ZFPM2: variants seen among roughly 807,000 people sequenced by gnomAD.
The protein encoded by ZFPM2 is zinc finger protein ZFPM2.
A neutral mutation model predicts 98.6 loss-of-function variants in ZFPM2; 20 were observed. The ratio of observed to expected loss-of-function variants is 0.20; its 90% CI spans 0.14 to 0.29. The LOEUF (loss-of-function observed/expected upper bound fraction) is 0.29. Ranked by LOEUF, ZFPM2 falls within the 10% of genes least tolerant of loss-of-function variation. The pLI is 1.00. For missense variants in ZFPM2, 1,310 were observed against 1,388.6 expected (o/e 0.94, Z 0.90); for synonymous variants, 518 against 502.7 (o/e 1.03, Z -0.41).
At chr8:105,587,133 C>T (rs59189928) in intron 4 of ZFPM2, among the ~76,000 whole-genome samples, 1 of 151,296 alleles carries the variant, frequency 6.6e-6, no homozygotes, top group African/African-American at 2.4e-5. Flanking sequence ...AAAAATTAAC[C>T]GGGCGTGGTG....
At chr8:105,667,833 G>A (rs1817518563) in intron 5 of ZFPM2, among the ~76,000 whole-genome samples, 1 of 152,100 alleles carries the variant, frequency 6.6e-6, no homozygotes, top group South Asian at 2.1e-4. Flanking sequence ...AAAATGCCAT[G>A]TGTTTACTAT....
chr8:105,423,075 G>A (rs1811837086), intron 2 of ZFPM2, among the ~76,000 whole-genome samples: 1 of 152,198 alleles, frequency 6.6e-6, no homozygotes, highest in South Asian at 2.1e-4. Flanking sequence ...TCTCAAAGTT[G>A]CATTTACTAA....
intron 5 of ZFPM2, among the ~76,000 whole-genome samples, chr8:105,711,543 A>G (rs1811398309): frequency 6.6e-6 from 1 of 152,050 alleles, no homozygotes; most frequent in Non-Finnish European, 1.5e-5. Context: ...ATTCCTATAT[A>G]TGAACTTGTT....
intron 5 of ZFPM2, among the ~76,000 whole-genome samples, chr8:105,730,259 T>A (rs767435549): frequency 6.6e-6 from 1 of 151,764 alleles, no homozygotes; most frequent in Non-Finnish European, 1.5e-5. Flanking sequence ...ATATTTCTCA[T>A]GCATGCATGA....
intron 5 of ZFPM2, among the ~76,000 whole-genome samples, chr8:105,737,953 C>T (rs1437159743): frequency 6.6e-6 from 1 of 151,476 alleles, no homozygotes; most frequent in East Asian, 2.0e-4. Flanking sequence ...TTGCTATGTT[C>T]CAGAATATAA....
intron 5 of ZFPM2, among the ~76,000 whole-genome samples, chr8:105,776,554 T>C (rs1363989540): frequency 6.6e-6 from 1 of 152,234 alleles, no homozygotes; most frequent in Non-Finnish European, 1.5e-5. Flanking sequence ...TTCAAAGATA[T>C]GTATACTTGA....
At chr8:105,600,116 A>G (rs1368917321) in intron 4 of ZFPM2, among the ~76,000 whole-genome samples, 1 of 152,156 alleles carries the variant, frequency 6.6e-6, no homozygotes, top group East Asian at 1.9e-4. Context: ...TGCCTACTGT[A>G]TCTTTTACTG....
At chr8:105,541,483 A>G (rs940735517) in intron 3 of ZFPM2, among the ~76,000 whole-genome samples, 1 of 152,204 alleles carries the variant, frequency 6.6e-6, no homozygotes, top group African/African-American at 2.4e-5. Context: ...CTATATTGGA[A>G]GAAACACTTG....
intron 1 of ZFPM2, among the ~76,000 whole-genome samples, chr8:105,324,303 C>T (rs1288181052): frequency 6.6e-6 from 1 of 151,754 alleles, no homozygotes; most frequent in Non-Finnish European, 1.5e-5. Flanking sequence ...TTGCCTATAT[C>T]TATATGTATC....
chr8:105,554,587 T>C (rs1392326719), intron 3 of ZFPM2, among the ~76,000 whole-genome samples: 2 of 152,176 alleles, frequency 1.3e-5, no homozygotes, highest in African/African-American at 4.8e-5. Flanking sequence ...CTGATAAATA[T>C]TGTGAGCTAA....
rs546976257 is a variant in ZFPM2, at chr8:105,333,733, T to C, written c.40+14752T>C. Among the ~76,000 whole-genome samples the C allele has an allele frequency of 6.6e-5, 10 of 151,778 alleles. No individual in the cohort carries two copies. The East Asian group carries it at 1.7e-3, about 26-fold the overall frequency. ...ATTATGGTATAACCCTCTCAGGTGT[T>C]GTAAAGGGTAAGACAGATGTGTTCA... On this transcript the variant is annotated intron_variant, in intron 1 of 7. Transcript: ENST00000407775.
intron 1 of ZFPM2, among the ~76,000 whole-genome samples, chr8:105,338,821 A>G (rs1229801017): frequency 1.3e-5 from 2 of 151,934 alleles, no homozygotes; most frequent in Non-Finnish European, 2.9e-5. Flanking sequence ...CTGGTAGGAC[A>G]TTGAGATTTT....
chr8:105,792,594 A>C (rs959430294), intron 6 of ZFPM2, among the ~76,000 whole-genome samples: 1 of 152,156 alleles, frequency 6.6e-6, no homozygotes, highest in Non-Finnish European at 1.5e-5. Context: ...GTAGATGTCT[A>C]TTAGGTCTGC....
At chr8:105,341,546 CATT>C (rs1243396839) in intron 1 of ZFPM2, among the ~76,000 whole-genome samples, 2 of 151,806 alleles carry the variant, frequency 1.3e-5, no homozygotes, top group East Asian at 1.9e-4. Context: ...AACAATATAA[CATT>C]ATTGTTGATA....
rs185397092 is a variant in ZFPM2 at position 105,792,006 on chromosome 8, G to A, written c.739+3082G>A. On this transcript the variant is annotated intron_variant, in intron 6 of 7. Transcript: ENST00000407775. Reference sequence around the variant, plus strand: ...TTTTTTCTTTATTAGTCTTGCTAGCGGTCTATCAATTTTGTTGATCCTTTC... The same window carrying A: ...TTTTTTCTTTATTAGTCTTGCTAGCAGTCTATCAATTTTGTTGATCCTTTC... Among the ~76,000 whole-genome samples the A allele has an allele frequency of 6.0e-3, 908 of 151,886 alleles. 14 individuals are homozygous for A. Among genetic ancestry groups the A allele is most frequent in the Non-Finnish European group, 0.01 (708 of 67,950 alleles).
intron 1 of ZFPM2, among the ~76,000 whole-genome samples, chr8:105,391,609 A>C (rs751872924): frequency 1.2e-4 from 19 of 152,238 alleles, no homozygotes; most frequent in Admixed American, 5.2e-4. Flanking sequence ...TAAATCCTTT[A>C]TCATTTCAAC....
At chr8:105,660,835 A>T (rs1474855600) in intron 5 of ZFPM2, among the ~76,000 whole-genome samples, 2 of 152,220 alleles carry the variant, frequency 1.3e-5, no homozygotes, top group Non-Finnish European at 2.9e-5. Flanking sequence ...TTCAGAACAA[A>T]TATATCACAT....
chr8:105,573,410 C>T (rs1815398310), intron 4 of ZFPM2, among the ~76,000 whole-genome samples: 1 of 152,136 alleles, frequency 6.6e-6, no homozygotes, highest in Non-Finnish European at 1.5e-5. Context: ...TTAACCTGAC[C>T]TGTGGATAGG....
intron 5 of ZFPM2, among the ~76,000 whole-genome samples, chr8:105,731,323 T>A (rs1811931925): frequency 6.6e-6 from 1 of 151,506 alleles, no homozygotes; most frequent in Non-Finnish European, 1.5e-5. Context: ...CAGTTTCCTC[T>A]GCTTGATAAA....
Sources: gnomAD v4.1 joint callset for allele counts (sites outside exome capture counted in the v4.1 genomes callset) on GRCh38, gnomAD v4.1.1 for gene constraint, MANE v1.5 for transcripts, NCBI Gene and HGNC (gene_info 2026-07-23, HGNC 2026-07-21) for gene names.